TRIM36: variants seen among roughly 807,000 people sequenced by gnomAD.
TRIM36 encodes the protein tripartite motif containing 36.
In TRIM36, 42 loss-of-function variants were observed where a neutral mutation model predicts 72.4. That is an observed-to-expected ratio of 0.58 (90% CI 0.45 to 0.75). TRIM36 has a LOEUF of 0.75. TRIM36 is among the 30% of genes least tolerant of loss of function. The probability of loss-of-function intolerance (pLI) is 0.00; values close to 1 mark genes in which losing one functional copy is unlikely to be tolerated. For missense variants in TRIM36, 913 were observed against 857.1 expected (o/e 1.07, Z -0.81); for synonymous variants, 315 against 282.8 (o/e 1.11, Z -1.14).
exon 1 of TRIM36, chr5:115,180,059 C>G (rs745670338): frequency 3.7e-6 from 6 of 1,610,302 alleles, no homozygotes; most frequent in South Asian, 1.1e-5. Flanking sequence ...TTCACAAACT[C>G]TGGAGGACCG....
intron 8 of TRIM36, among the ~76,000 whole-genome samples, chr5:115,131,604 A>C (rs1174477231): frequency 6.6e-6 from 1 of 152,254 alleles, no homozygotes; most frequent in Non-Finnish European, 1.5e-5. Context: ...AATGTGGTAT[A>C]TACATACAAT....
chr5:115,132,036 A>T (rs2112776144), intron 8 of TRIM36, among the ~76,000 whole-genome samples: 1 of 152,182 alleles, frequency 6.6e-6, no homozygotes, highest in African/African-American at 2.4e-5. Context: ...TTTTATCTTT[A>T]TTACACCACA....
At chr5:115,165,189 G>A (rs1437703139) in intron 1 of TRIM36, among the ~76,000 whole-genome samples, 1 of 152,188 alleles carries the variant, frequency 6.6e-6, no homozygotes, top group Non-Finnish European at 1.5e-5. Context: ...GGCGCATGAT[G>A]AAAGCTGTTG....
intron 1 of TRIM36, among the ~76,000 whole-genome samples, chr5:115,165,824 G>A (rs549873644): frequency 1.6e-4 from 25 of 152,282 alleles, no homozygotes; most frequent in African/African-American, 5.3e-4. Flanking sequence ...CACATGCTCA[G>A]AAGTGCCTGC....
intron 1 of TRIM36, among the ~76,000 whole-genome samples, chr5:115,164,569 T>A (rs984970530): frequency 6.6e-6 from 1 of 152,158 alleles, no homozygotes; most frequent in African/African-American, 2.4e-5. Context: ...TCAGATCTTA[T>A]GAGAATTCGC....
In TRIM36 at chr5:115,126,390, C is replaced by G; in HGVS notation, c.*113G>C. On this transcript the variant is annotated 3_prime_UTR_variant, in exon 10 of 10. Transcript: ENST00000513154. Reference sequence around the variant, plus strand: ...TCTGTATTTCAAGAAGAATCATACTCAAACACAAGTGGGGTGACAGAACAC... The same window carrying G: ...TCTGTATTTCAAGAAGAATCATACTGAAACACAAGTGGGGTGACAGAACAC... 2.5e-6 allele frequency: 2 copies of G among 804,884 alleles called. No homozygotes were observed. Among genetic ancestry groups the G allele is most frequent in the East Asian group, 2.7e-5 (1 of 37,064 alleles). The allele number at this position is 804,884 out of a possible 1,614,324, so 49.9% of individuals were successfully genotyped here. A position where few individuals can be genotyped will look rare whatever the true frequency, so the allele number is the denominator to read the frequency against.
rs1287199093 is a variant in TRIM36 at position 115,130,808 on chromosome 5, C to T, written c.1580G>A (p.Ser527Asn). 1.2e-6 allele frequency: 2 copies of T among 1,614,026 alleles called. No homozygotes were observed. The highest frequency in any genetic ancestry group is 1.7e-6 in the Non-Finnish European group (2 of 1,180,044). ...AAGCAGAAGATTAAATCCAGCTCTA[C>T]TCTCTACACGGTCTCTCTTCAAGTT... is the stretch of plus-strand genomic sequence containing the variant. Reference protein sequence around the residue: ...LLNLKRDRVESRAGFNLLLAA... With the variant: ...LLNLKRDRVENRAGFNLLLAA... The change falls in exon 9 of 10, where the codon AGT becomes AAT. Residue 527 changes from serine to asparagine, a missense_variant. Transcript: ENST00000513154.
At chr5:115,174,441 G>A (rs1378524949), upstream of TRIM36, among the ~76,000 whole-genome samples, 1 of 152,136 alleles carries the variant, frequency 6.6e-6, no homozygotes, top group Non-Finnish European at 1.5e-5. Flanking sequence ...ATTGGCACAC[G>A]GACCACCTAT....
intron 1 of TRIM36, among the ~76,000 whole-genome samples, chr5:115,164,114 T>G (rs1193117496): frequency 1.3e-5 from 2 of 152,328 alleles, no homozygotes; most frequent in Non-Finnish European, 2.9e-5. Context: ...CAATAAAAAT[T>G]TTGAATACAG....
At chr5:115,179,203 G>C (rs1164604589) in intron 1 of TRIM36, among the ~76,000 whole-genome samples, 1 of 152,162 alleles carries the variant, frequency 6.6e-6, no homozygotes, top group Non-Finnish European at 1.5e-5. Context: ...AGCTTCTGCC[G>C]GCAATTTCTC....
intron 1 of TRIM36, among the ~76,000 whole-genome samples, chr5:115,175,073 C>A (rs1357713575): frequency 6.6e-6 from 1 of 151,354 alleles, no homozygotes; most frequent in African/African-American, 2.4e-5. Context: ...AATAAGAACA[C>A]AATACACCCA....
chr5:115,149,569 GAAAAAAAAAAAA>G (rs748596152), intron 2 of TRIM36: 305 of 19,282 alleles, frequency 0.016, 5 homozygotes, highest in African/African-American at 0.063. Context: ...TCAGAAATTT[GAAAAAAAAAAAA>G]AAAAAAAAAA....
In TRIM36 at chr5:115,126,677, G is replaced by A; in HGVS notation, c.1977C>T (p.Asp659=). 6.2e-7 allele frequency: 1 copy of A among 1,614,160 alleles called. No homozygotes were observed. The highest frequency in any genetic ancestry group is 1.3e-5 in the African/African-American group (1 of 75,044). ...AGAAATCTACTTTGCCTTTATCACA[G>A]TCAAGGAAAATCCCAATACTTGTTG... ...PMPTSIGIFL[D]CDKGKVDFYD... is the part of the protein sequence containing the mutation. The change falls in exon 10 of 10, where the codon GAC becomes GAT. Residue 659 remains aspartate (D), a synonymous_variant. Coordinates refer to ENST00000513154, the MANE Select transcript of TRIM36 (RefSeq NM_001300759.2).
chr5:115,133,387 C>T (rs1267303740), intron 8 of TRIM36, among the ~76,000 whole-genome samples: 1 of 152,040 alleles, frequency 6.6e-6, no homozygotes, highest in Non-Finnish European at 1.5e-5. Flanking sequence ...TAATATATGG[C>T]TTCCATCCCT....
In TRIM36 at chr5:115,130,611, G is replaced by A. The variant is rs779531833; in HGVS notation, c.1777C>T (p.Arg593Trp). Reference protein sequence around the residue: ...DKLQEWLRSPRDAVSPRYEQD... With the variant: ...DKLQEWLRSPWDAVSPRYEQD... ...ACCTACCTTGGACTAACTGCATCCC[G>A]GGGAGAACGGAGCCATTCTTGTAGT... is the stretch of plus-strand genomic sequence containing the variant. The change falls in exon 9 of 10, where the codon CGG (arginine) becomes TGG (tryptophan). Residue 593 changes from arginine (R) to tryptophan (W), a missense_variant. Transcript: ENST00000513154. The A allele has an allele frequency of 6.2e-6, 10 of 1,613,806 alleles. No homozygotes were observed. The highest frequency in any genetic ancestry group is 4.0e-5 in the African/African-American group (3 of 74,902).
chr5:115,170,681 T>A (rs1755068971), upstream of TRIM36, among the ~76,000 whole-genome samples: 1 of 152,240 alleles, frequency 6.6e-6, no homozygotes, highest in South Asian at 2.1e-4. Flanking sequence ...TCTTGCCCAG[T>A]AGCGCGGGGA....
chr5:115,180,017 C>G, exon 1 of TRIM36: 2 of 1,614,144 alleles, frequency 1.2e-6, no homozygotes, highest in Non-Finnish European at 1.7e-6. Flanking sequence ...CAAATTCACT[C>G]ATCTCCCCAG....
At chr5:115,135,945 A>G (rs1290190325) in intron 7 of TRIM36, among the ~76,000 whole-genome samples, 2 of 152,190 alleles carry the variant, frequency 1.3e-5, no homozygotes, top group East Asian at 3.8e-4. Context: ...TAATTATACT[A>G]TAAATATATC....
chr5:115,127,213 T>G (rs1206540677), intron 9 of TRIM36, among the ~76,000 whole-genome samples: 1 of 152,178 alleles, frequency 6.6e-6, no homozygotes, highest in Non-Finnish European at 1.5e-5. Flanking sequence ...ACAGAACATT[T>G]CAGTGAACAA....
Sources: allele counts gnomAD v4.1 joint callset (sites outside exome capture counted in the v4.1 genomes callset), GRCh38; gene constraint gnomAD v4.1.1; transcripts MANE v1.5; gene names NCBI Gene and HGNC (gene_info 2026-07-23, HGNC 2026-07-21).